The following COPB1 variants were observed in gnomAD, a reference collection of about 807,000 sequenced individuals.
The protein encoded by COPB1 is coat protein complex I subunit beta 1, also known as coatomer subunit beta.
In COPB1, 21 loss-of-function variants were observed where a neutral mutation model predicts 108.7. The ratio of observed to expected loss-of-function variants is 0.19; its 90% CI spans 0.14 to 0.28. The LOEUF (loss-of-function observed/expected upper bound fraction) is 0.28, where lower values mean the gene tolerates loss of function less well. COPB1 is among the 10% of genes least tolerant of loss of function. The probability of loss-of-function intolerance (pLI) is 1.00; values close to 1 mark genes in which losing one functional copy is unlikely to be tolerated. For synonymous variants in COPB1, 378 were observed against 386.8 expected (o/e 0.98, Z 0.27); for missense variants, 919 against 1,141.3 (o/e 0.81, Z 2.81).
At chr11:14,462,146 A>G (rs1850169907) in intron 18 of COPB1, among the ~76,000 whole-genome samples, 1 of 151,410 alleles carries the variant, frequency 6.6e-6, no homozygotes, top group Non-Finnish European at 1.5e-5. Flanking sequence ...AAGGCTGACT[A>G]TATTTGCTTC....
chr11:14,466,920 T>C (rs1589953998), intron 16 of COPB1, among the ~76,000 whole-genome samples: 2 of 152,236 alleles, frequency 1.3e-5, no homozygotes, highest in East Asian at 3.9e-4. Flanking sequence ...TAAGAAATGA[T>C]TGTAATGCCA....
chr11:14,460,582 T>C (rs1334629222), intron 19 of COPB1, among the ~76,000 whole-genome samples: 1 of 152,020 alleles, frequency 6.6e-6, no homozygotes, highest in Admixed American at 6.6e-5. Context: ...CAGTGCGTCA[T>C]TTCAGCTCAC....
chr11:14,475,659 AC>A (rs1850505455), intron 13 of COPB1, 125 bp downstream of exon 13: 1 of 929,554 alleles, frequency 1.1e-6, no homozygotes, highest in Non-Finnish European at 1.5e-6. Flanking sequence ...CTTCTCAAGT[AC>A]CTTAAATGGC....
intron 2 of COPB1, 147 bp downstream of exon 2, chr11:14,498,691 T>C: frequency 1.7e-6 from 1 of 585,474 alleles, no homozygotes; most frequent in South Asian, 2.7e-5. Context: ...GAAGTTCGCA[T>C]TTTTAATAAA....
chr11:14,481,779 T>A (rs1850665908), intron 8 of COPB1, among the ~76,000 whole-genome samples: 1 of 152,196 alleles, frequency 6.6e-6, no homozygotes, highest in Non-Finnish European at 1.5e-5. Flanking sequence ...AGTTAATATC[T>A]TCCCACATTT....
At chr11:14,469,040 G>A (rs1850347003) in intron 15 of COPB1, among the ~76,000 whole-genome samples, 180 bp from the exon 16 acceptor site, 1 of 152,098 alleles carries the variant, frequency 6.6e-6, no homozygotes, top group Non-Finnish European at 1.5e-5. Flanking sequence ...CTGTTGCCCA[G>A]GCGGAGTGCA....
intron 2 of COPB1, chr11:14,494,769 C>G (rs1850980746): frequency 5.2e-6 from 1 of 193,548 alleles, no homozygotes; most frequent in Non-Finnish European, 1.0e-5. Context: ...ACACATATAG[C>G]TATTTTTCAA....
intron 17 of COPB1, 90 bp from the exon 18 acceptor site, chr11:14,465,120 A>T: frequency 3.5e-6 from 5 of 1,425,650 alleles, no homozygotes; most frequent in South Asian, 2.9e-5. Context: ...CTAACCATAA[A>T]ACCTTAAATG....
intron 5 of COPB1, among the ~76,000 whole-genome samples, chr11:14,489,446 C>A (rs77773706): frequency 2.3e-3 from 345 of 152,308 alleles, no homozygotes; most frequent in African/African-American, 8.0e-3. Context: ...TAGCATTATT[C>A]CTAATAGCTA....
intron 18 of COPB1, among the ~76,000 whole-genome samples, chr11:14,462,960 C>T (rs1850192948): frequency 1.3e-5 from 2 of 152,142 alleles, no homozygotes; most frequent in South Asian, 2.1e-4. Context: ...GTCTACACTA[C>T]CTGTATTTCT....
intron 4 of COPB1, among the ~76,000 whole-genome samples, chr11:14,491,086 AC>A (rs1483449557): frequency 6.6e-6 from 1 of 150,444 alleles, no homozygotes; most frequent in Non-Finnish European, 1.5e-5. Context: ...CCGTGCCCAG[AC>A]AAGGCTAGAG....
At chr11:14,474,800 T>C (rs1359412103) in intron 13 of COPB1, among the ~76,000 whole-genome samples, 185 bp from the exon 14 acceptor site, 1 of 152,112 alleles carries the variant, frequency 6.6e-6, no homozygotes, top group Non-Finnish European at 1.5e-5. Context: ...TACATGACTT[T>C]AAAACTTATC....
intron 13 of COPB1, among the ~76,000 whole-genome samples, chr11:14,475,542 A>G (rs1850503342): frequency 6.6e-6 from 1 of 152,250 alleles, no homozygotes; most frequent in Admixed American, 6.5e-5. Flanking sequence ...CTGAGTAAAA[A>G]TAATTTGAGT....
intron 4 of COPB1, among the ~76,000 whole-genome samples, 195 bp from the exon 5 acceptor site, chr11:14,490,874 C>A (rs997330498): frequency 6.6e-6 from 1 of 151,746 alleles, no homozygotes; most frequent in Admixed American, 6.6e-5. Flanking sequence ...ACTGCTGCCT[C>A]CACTTCCAGG....
At position 14,494,387 on chromosome 11, in the gene COPB1, C is replaced by T. The variant is rs1436068883; in HGVS notation, c.144G>A (p.Met48Ile). 1 of 1,611,976 alleles carries T rather than the reference C, an allele frequency of 6.2e-7. No homozygotes were observed. The highest frequency in any genetic ancestry group is 8.5e-7 in the Non-Finnish European group (1 of 1,178,660). Residue 48 changes from methionine to isoleucine, a missense_variant, in exon 3 of 22, where the codon ATG (methionine) becomes ATA (isoleucine). This residue lies in a region of COPB1 where 92 missense variants were observed against 108.4 expected (regional missense o/e 0.85). Coordinates refer to ENST00000439561, the MANE Select transcript of COPB1 (RefSeq NM_001144061.2). ...KTEALKKVII[M>I]ILNGEKLPGL... The stretch of plus-strand genomic sequence containing the variant: ...CAGGAAGTTTTTCACCATTCAGAAT[C>T]ATAATGATTACTTTCTTCAAAGCTT...
intron 10 of COPB1, among the ~76,000 whole-genome samples, chr11:14,480,029 C>T (rs1443607706): frequency 1.3e-5 from 2 of 152,100 alleles, no homozygotes; most frequent in African/African-American, 4.8e-5. Flanking sequence ...GTCTTGAATC[C>T]CTGGCCTCAA....
At chr11:14,458,734 T>C (rs1565009470) in intron 20 of COPB1, 47 bp from the exon 21 acceptor site, 7 of 1,529,196 alleles carry the variant, frequency 4.6e-6, no homozygotes, top group Non-Finnish European at 6.2e-6. Flanking sequence ...GATACCTACA[T>C]AGAGGCAAAA....
At chr11:14,458,312 A>G (rs1383200487) in intron 21 of COPB1, among the ~76,000 whole-genome samples, 2 of 152,094 alleles carry the variant, frequency 1.3e-5, no homozygotes, top group East Asian at 3.8e-4. Context: ...CAAACACCCC[A>G]TAGGAATCAA....
rs921148651 is a variant in COPB1, at chr11:14,498,896, T to A, written c.33A>T (p.Leu11Phe). The A allele has an allele frequency of 1.9e-6, 3 of 1,611,246 alleles. No individual in the cohort carries two copies. The highest frequency in any genetic ancestry group is 1.1e-5 in the South Asian group (1 of 90,004). MTAAENVCYT[L>F]INVPMDSEPP... Reference sequence around the variant, plus strand: ...GTTCTGAATCCATTGGCACGTTAATTAACGTGTAGCATACGTTCTCAGCCG... The same window carrying A: ...GTTCTGAATCCATTGGCACGTTAATAAACGTGTAGCATACGTTCTCAGCCG... The change falls in exon 2 of 22, where the codon TTA becomes TTT. Residue 11 changes from leucine to phenylalanine, a missense_variant. By Grantham distance (22) the Leu-to-Phe change is conservative. Coordinates refer to ENST00000439561, the MANE Select transcript of COPB1 (RefSeq NM_001144061.2).
Sources: gnomAD v4.1 joint callset for allele counts (sites outside exome capture counted in the v4.1 genomes callset) on GRCh38, gnomAD v4.1.1 for gene constraint, gnomAD v4.1.1 regional missense constraint, MANE v1.5 for transcripts, NCBI Gene and HGNC (gene_info 2026-07-23, HGNC 2026-07-21) for gene names.